The following CCNB2 variants were observed in gnomAD, a reference collection of about 807,000 sequenced individuals.
CCNB2 encodes the protein cyclin B2.
A neutral mutation model predicts 51.1 loss-of-function variants in CCNB2; 39 were observed. The observed-to-expected ratio is 0.76, with a 90% CI of 0.59 to 1.00. CCNB2 has a LOEUF of 1.00. CCNB2 is among the 50% of genes least tolerant of loss of function. The pLI is 0.00. For missense variants in CCNB2, 472 were observed against 470.3 expected, an observed-to-expected ratio of 1.00 and a Z score of -0.03; for synonymous variants, 174 against 165.5, an observed-to-expected ratio of 1.05 and a Z score of -0.40.
At chr15:59,112,262 CTGT>C (rs2079260539) in intron 3 of CCNB2, among the ~76,000 whole-genome samples, 1 of 152,048 alleles carries the variant, frequency 6.6e-6, no homozygotes, top group South Asian at 2.1e-4. Context: ...ATGTTTTAAA[CTGT>C]TTTTTTGTTT....
intron 8 of CCNB2, 68 bp downstream of exon 8, chr15:59,123,695 G>A (rs1368313228): frequency 4.0e-6 from 3 of 759,040 alleles, no homozygotes; most frequent in South Asian, 1.5e-5. Flanking sequence ...ATGTTGGGCG[G>A]GGGGGGGCGG....
intron 7 of CCNB2, among the ~76,000 whole-genome samples, chr15:59,118,412 G>A (rs565424100): frequency 6.6e-6 from 1 of 152,286 alleles, no homozygotes; most frequent in East Asian, 1.9e-4. Context: ...TGTCTTGGCC[G>A]GGTGCCATGC....
chr15:59,117,418 C>T (rs573500710), intron 7 of CCNB2, 50 bp downstream of exon 7: 63 of 1,573,074 alleles, frequency 4.0e-5, no homozygotes, highest in Non-Finnish European at 5.1e-5. Context: ...TTTAGTCCTT[C>T]GTAATACAAA....
chr15:59,120,432 T>C (rs56891889), intron 7 of CCNB2, among the ~76,000 whole-genome samples: 1 of 152,042 alleles, frequency 6.6e-6, no homozygotes, highest in South Asian at 2.1e-4. Flanking sequence ...GGAGGCTGCA[T>C]TGACCTATGA....
intron 7 of CCNB2, among the ~76,000 whole-genome samples, chr15:59,119,060 T>G (rs767391515): frequency 2.0e-5 from 3 of 152,004 alleles, no homozygotes; most frequent in Non-Finnish European, 4.4e-5. Flanking sequence ...GGGAATAGGG[T>G]GGAGGTTGAG....
chr15:59,112,893 GT>G, intron 3 of CCNB2, among the ~76,000 whole-genome samples: 1 of 151,798 alleles, frequency 6.6e-6, no homozygotes, highest in Non-Finnish European at 1.5e-5. Context: ...AATTAGGCGA[GT>G]GTGGTGGAAG....
At chr15:59,112,537 G>A (rs1408355924) in intron 3 of CCNB2, among the ~76,000 whole-genome samples, 3 of 151,680 alleles carry the variant, frequency 2.0e-5, no homozygotes, top group African/African-American at 7.3e-5. Context: ...AGTAGAGATG[G>A]GGTTTCACCA....
At chr15:59,111,320 C>A (rs1330679242) in intron 3 of CCNB2, among the ~76,000 whole-genome samples, 1 of 152,180 alleles carries the variant, frequency 6.6e-6, no homozygotes. Flanking sequence ...AGATGTGAGC[C>A]ACCACGCCAA....
Position 59,116,754 on chromosome 15 carries a change from A to C in CCNB2, c.662A>C (p.Lys221Thr). 6.2e-7 allele frequency: 1 copy of C among 1,613,522 alleles called. No individual in the cohort carries two copies. The highest frequency in any genetic ancestry group is 8.5e-7 in the Non-Finnish European group (1 of 1,180,016). Residue 221 changes from lysine (K) to threonine (T), a missense_variant, in exon 6 of 9, where the codon AAG becomes ACG. Lys to Thr is a moderately conservative substitution (Grantham distance 78, BLOSUM62 -1). Coordinates refer to ENST00000288207, the MANE Select transcript of CCNB2 (RefSeq NM_004701.4). ...VGITALLLAS[K>T]YEEMFSPNIE... ...ATTACTGCTCTGCTCTTGGCTTCCA[A>C]GTATGAGGAGATGTTTTCTCCAAAT...
Position 59,105,232 on chromosome 15 carries a change from C to T in CCNB2, c.-37C>T, listed in dbSNP as rs1873150038. ...CTCCCTTTTCAGTCCGCGTCCCTCC[C>T]TGGGCCGGGCTGGCACTCTTGCCTT... On this transcript the variant is annotated 5_prime_UTR_variant, in exon 1 of 9. Transcript: ENST00000288207. The T allele has an allele frequency of 1.3e-6, 2 of 1,553,182 alleles. No individual in the cohort carries two copies. The highest frequency in any genetic ancestry group is 1.4e-5 in the African/African-American group (1 of 73,432).
chr15:59,117,776 A>G (rs1165237605), intron 7 of CCNB2, among the ~76,000 whole-genome samples: 1 of 152,084 alleles, frequency 6.6e-6, no homozygotes, highest in Non-Finnish European at 1.5e-5. Flanking sequence ...GCCTGAAGCA[A>G]TTGTTTAAAG....
chr15:59,120,318 A>G (rs1357533107), intron 7 of CCNB2, among the ~76,000 whole-genome samples: 4 of 152,150 alleles, frequency 2.6e-5, no homozygotes, highest in African/African-American at 7.2e-5. Flanking sequence ...TCAAAGATCA[A>G]TGAGGTCACA....
intron 1 of CCNB2, 127 bp downstream of exon 1, chr15:59,105,419 C>G: frequency 4.7e-6 from 5 of 1,069,488 alleles, no homozygotes; most frequent in South Asian, 3.0e-5. Flanking sequence ...CCGGAGCTCA[C>G]TGCTTCGCCC....
At chr15:59,117,931 T>C (rs2140289523) in intron 7 of CCNB2, among the ~76,000 whole-genome samples, 1 of 152,298 alleles carries the variant, frequency 6.6e-6, no homozygotes, top group East Asian at 1.9e-4. Flanking sequence ...AGAGAGACCC[T>C]TGTCTCTTGG....
At chr15:59,106,188 A>G (rs1256641423) in intron 1 of CCNB2, among the ~76,000 whole-genome samples, 5 of 152,058 alleles carry the variant, frequency 3.3e-5, no homozygotes, top group African/African-American at 9.6e-5. Flanking sequence ...TCTACCCATA[A>G]GCATTACATT....
Position 59,116,930 on chromosome 15 carries a change from A to C in CCNB2, c.834+4A>C, listed in dbSNP as rs1329357651. 3 of 1,604,136 alleles carry C rather than the reference A, an allele frequency of 1.9e-6. No homozygotes were observed. Among genetic ancestry groups the C allele is most frequent in the Non-Finnish European group, 2.6e-6 (3 of 1,171,130 alleles). Reference sequence around the variant, plus strand: ...GCGAGCATCAAAAGCCGGGGAGGTAAGTGCCTCCAGCTCTGTAAGAGACTA... The same window carrying C: ...GCGAGCATCAAAAGCCGGGGAGGTACGTGCCTCCAGCTCTGTAAGAGACTA... On this transcript the variant is annotated splice_donor_region_variant and intron_variant, in intron 6 of 8. Transcript: ENST00000288207.
At chr15:59,118,814 A>G (rs551022895) in intron 7 of CCNB2, among the ~76,000 whole-genome samples, 2 of 152,358 alleles carry the variant, frequency 1.3e-5, no homozygotes, top group South Asian at 2.1e-4. Flanking sequence ...GAGGATCACA[A>G]AGCATTTTGC....
At chr15:59,105,504 C>G (rs1285139486) in intron 1 of CCNB2, among the ~76,000 whole-genome samples, 1 of 152,268 alleles carries the variant, frequency 6.6e-6, no homozygotes, top group Non-Finnish European at 1.5e-5. Context: ...CTAACCCCTC[C>G]CTGCCCCGGG....
At chr15:59,112,194 A>G (rs1375647508) in intron 3 of CCNB2, among the ~76,000 whole-genome samples, 1 of 151,922 alleles carries the variant, frequency 6.6e-6, no homozygotes, top group Non-Finnish European at 1.5e-5. Context: ...ATGCCTGCAT[A>G]GTTCTTGCTC....
Sources: allele counts gnomAD v4.1 joint callset (sites outside exome capture counted in the v4.1 genomes callset), GRCh38; gene constraint gnomAD v4.1.1; transcripts MANE v1.5; gene names NCBI Gene and HGNC (gene_info 2026-07-23, HGNC 2026-07-21).